Variants in SV2C observed in about 807,000 individuals in gnomAD.
The protein encoded by SV2C is solute carrier family 22 member B3.
SV2C carries 49 observed loss-of-function variants against 79.7 expected under a neutral mutation model. The ratio of observed to expected loss-of-function variants is 0.61; its 90% CI spans 0.49 to 0.78. SV2C has a LOEUF of 0.78. SV2C is among the 30% of genes least tolerant of loss of function. The probability of loss-of-function intolerance (pLI) is 0.00; values close to 1 mark genes in which losing one functional copy is unlikely to be tolerated. For missense variants in SV2C, 833 were observed against 912.9 expected, an observed-to-expected ratio of 0.91 and a Z score of 1.13; for synonymous variants, 334 against 333.2, an observed-to-expected ratio of 1.00 and a Z score of -0.03.
intron 12 of SV2C, among the ~76,000 whole-genome samples, chr5:76,301,891 A>T (rs1467324068): frequency 1.5e-5 from 2 of 134,288 alleles, no homozygotes; most frequent in African/African-American, 5.6e-5. Flanking sequence ...CCTGGGCAAC[A>T]GAGTGAGACA....
At chr5:75,941,500 C>T in the SV2C span, among the ~76,000 whole-genome samples, 1 of 152,200 alleles carries the variant, frequency 6.6e-6, no homozygotes, top group Non-Finnish European at 1.5e-5. Flanking sequence ...ATCAAAATTA[C>T]TGTGGCAGAC....
the SV2C span, among the ~76,000 whole-genome samples, chr5:75,854,201 T>G: frequency 6.6e-6 from 1 of 152,338 alleles, no homozygotes; most frequent in Admixed American, 6.5e-5. Flanking sequence ...TTCACATATA[T>G]GTACTTCATT....
chr5:76,255,697 G>A (rs1369546569), intron 4 of SV2C, among the ~76,000 whole-genome samples: 1 of 152,132 alleles, frequency 6.6e-6, no homozygotes, highest in Non-Finnish European at 1.5e-5. Flanking sequence ...CCCCTCACCT[G>A]GTGAAATCGT....
intron 4 of SV2C, among the ~76,000 whole-genome samples, chr5:76,214,366 C>A (rs1283870088): frequency 2.6e-5 from 4 of 152,118 alleles, no homozygotes; most frequent in Non-Finnish European, 4.4e-5. Context: ...TATTTCTGGG[C>A]TCTCTATTCT....
the SV2C span, among the ~76,000 whole-genome samples, chr5:76,029,909 T>C: frequency 6.6e-6 from 1 of 152,168 alleles, no homozygotes; most frequent in Non-Finnish European, 1.5e-5. Context: ...GATTCTGTAA[T>C]CAGAGCAAGT....
the SV2C span, among the ~76,000 whole-genome samples, chr5:76,040,192 CAACT>C: frequency 6.6e-6 from 1 of 152,050 alleles, no homozygotes; most frequent in Non-Finnish European, 1.5e-5. Context: ...AGTAGCATAT[CAACT>C]AAGGAACACA....
chr5:76,150,626 C>CTTTTTTTTTTTTTTTTTTTTTTT (rs57910684), intron 2 of SV2C, among the ~76,000 whole-genome samples: 1 of 56,494 alleles, frequency 1.8e-5, no homozygotes, highest in East Asian at 6.5e-4. Context: ...TCATCAAATT[C>CTTTTTTTTTTTTTTTTTTTTTTT]TTTTTTTTTT....
chr5:76,262,664 A>T (rs1746513134), intron 4 of SV2C, among the ~76,000 whole-genome samples: 1 of 152,096 alleles, frequency 6.6e-6, no homozygotes, highest in Admixed American at 6.5e-5. Context: ...GAACTTTATT[A>T]TTTCTGCCTT....
the SV2C span, chr5:75,921,657 G>A: frequency 4.2e-6 from 3 of 709,378 alleles, no homozygotes; most frequent in East Asian, 6.9e-5. Context: ...CCAATGCGGG[G>A]GCCCCCTTTT....
chr5:76,177,215 TACAAA>T (rs1743563025), intron 2 of SV2C, among the ~76,000 whole-genome samples: 5 of 43,200 alleles, frequency 1.2e-4, no homozygotes, highest in South Asian at 1.5e-3. Flanking sequence ...AAATAATATA[TACAAA>T]TATATTAATC....
chr5:75,965,595 A>G, the SV2C span, among the ~76,000 whole-genome samples: 2 of 152,190 alleles, frequency 1.3e-5, no homozygotes, highest in Non-Finnish European at 2.9e-5. Flanking sequence ...TGAGAAATAA[A>G]CTTCTATGGT....
Position 76,138,532 on chromosome 5 carries a change from T to C in SV2C, c.580+6202T>C, listed in dbSNP as rs1252423081. ...TATAAACAGTACATAATGGCAAATATATGGTCACAAATGAGAAATTTGATT... is the reference window on the plus strand; with the variant it reads ...TATAAACAGTACATAATGGCAAATACATGGTCACAAATGAGAAATTTGATT... On this transcript the variant is annotated intron_variant, in intron 2 of 12. Transcript: ENST00000502798. Among the ~76,000 whole-genome samples the C allele has an allele frequency of 3.3e-5, 5 of 152,206 alleles. No individual in the cohort carries two copies. In the East Asian group the frequency reaches 7.7e-4, roughly 23 times the overall value.
At chr5:75,912,077 A>G in the SV2C span, among the ~76,000 whole-genome samples, 5,034 of 152,310 alleles carry the variant, frequency 0.033, 201 homozygotes, top group African/African-American at 0.1. Context: ...GGAGAAGAGA[A>G]CATTAGACTC....
the SV2C span, among the ~76,000 whole-genome samples, chr5:75,958,870 C>T: frequency 1.3e-5 from 2 of 151,874 alleles, no homozygotes; most frequent in Admixed American, 1.3e-4. Context: ...CAACCTCAAC[C>T]CTTTGATGGT....
chr5:75,918,852 A>G, the SV2C span, among the ~76,000 whole-genome samples: 1 of 152,208 alleles, frequency 6.6e-6, no homozygotes, highest in African/African-American at 2.4e-5. Context: ...TAACCAGCAC[A>G]TTTTTGTAAC....
upstream of SV2C, among the ~76,000 whole-genome samples, chr5:76,080,037 T>C (rs185049154): frequency 9.6e-4 from 146 of 152,268 alleles, 1 homozygote; most frequent in Non-Finnish European, 1.9e-3. Context: ...TTTTTGTTAC[T>C]TTTTATTTCT....
At chr5:76,147,913 A>C (rs559583841) in intron 2 of SV2C, among the ~76,000 whole-genome samples, 16 of 152,180 alleles carry the variant, frequency 1.1e-4, no homozygotes, top group Admixed American at 5.9e-4. Flanking sequence ...CACGGTATCT[A>C]TTTTTATTTT....
chr5:76,252,246 A>G (rs766515135), intron 4 of SV2C, among the ~76,000 whole-genome samples: 2 of 152,098 alleles, frequency 1.3e-5, no homozygotes, highest in East Asian at 3.9e-4. Context: ...CAGCCTCCCA[A>G]GTAGCTGGGA....
At chr5:75,863,357 G>T in the SV2C span, among the ~76,000 whole-genome samples, 7,007 of 152,106 alleles carry the variant, frequency 0.046, 432 homozygotes, top group African/African-American at 0.14. Context: ...AAGATCCATT[G>T]TACCAAATAT....
Sources: gnomAD v4.1 joint callset for allele counts (sites outside exome capture counted in the v4.1 genomes callset) on GRCh38, gnomAD v4.1.1 for gene constraint, MANE v1.5 for transcripts, NCBI Gene and HGNC (gene_info 2026-07-23, HGNC 2026-07-21) for gene names.